NCKAP1: variants seen among roughly 807,000 people sequenced by gnomAD.
NCKAP1 encodes nck-associated protein 1.
In NCKAP1, 21 loss-of-function variants were observed where a neutral mutation model predicts 151.2. That is an observed-to-expected ratio of 0.14 (90% CI 0.10 to 0.20). NCKAP1 has a LOEUF of 0.20. Ranked by LOEUF, NCKAP1 falls within the 10% of genes least tolerant of loss-of-function variation. The probability of loss-of-function intolerance (pLI) is 1.00; values close to 1 mark genes in which losing one functional copy is unlikely to be tolerated. For synonymous variants in NCKAP1, 484 were observed against 451.8 expected (o/e 1.07, Z -0.90); for missense variants, 933 against 1,352.1 (o/e 0.69, Z 4.86).
At chr2:182,988,905 A>C in intron 9 of NCKAP1, 125 bp downstream of exon 9, 1 of 698,028 alleles carries the variant, frequency 1.4e-6, no homozygotes, top group Non-Finnish European at 2.2e-6. Context: ...CTGGGATCCA[A>C]GTCAGATGGT....
intron 9 of NCKAP1, among the ~76,000 whole-genome samples, chr2:182,987,199 A>G (rs909080741): frequency 1.8e-4 from 27 of 152,144 alleles, no homozygotes; most frequent in African/African-American, 6.5e-4. Flanking sequence ...CTGAGATCAC[A>G]CCACTGCACT....
chr2:182,958,554 G>C (rs1451226398), intron 18 of NCKAP1, among the ~76,000 whole-genome samples: 1 of 152,160 alleles, frequency 6.6e-6, no homozygotes, highest in Non-Finnish European at 1.5e-5. Context: ...ATGAAAAAGG[G>C]ATATGAAATA....
At chr2:182,987,098 C>A (rs1365697835) in intron 9 of NCKAP1, among the ~76,000 whole-genome samples, 1 of 151,894 alleles carries the variant, frequency 6.6e-6, no homozygotes, top group African/African-American at 2.4e-5. Context: ...AAAAATTAGT[C>A]GGGCATGGTG....
intron 30 of NCKAP1, among the ~76,000 whole-genome samples, chr2:182,926,087 T>C (rs1393679347): frequency 2.0e-5 from 3 of 152,072 alleles, no homozygotes; most frequent in African/African-American, 7.2e-5. Flanking sequence ...CACTTTCATT[T>C]TCCTCACTGA....
rs770592447 is a variant in NCKAP1, at chr2:183,002,264, T to C, written c.375A>G (p.Val125=). 6.5e-7 allele frequency: 1 copy of C among 1,529,234 alleles called. No individual in the cohort carries two copies. The highest frequency in any genetic ancestry group is 1.8e-5 in the Admixed American group (1 of 54,094). The allele number at this position is 1,529,234 out of a possible 1,614,324, so 94.7% of individuals were successfully genotyped here. Residue 125 remains valine (V), a synonymous_variant, in exon 5 of 31, where the codon GTA becomes GTG. Coordinates refer to ENST00000361354, the MANE Select transcript of NCKAP1 (RefSeq NM_013436.5). ...AGTAGTTCTTTGTTAAATCAAAGTT[T>C]ACAGTCTAGGAGAAAAAAAAATCAA... ...DVCQVFFDIT[V]NFDLTKNYLD...
chr2:183,008,427 T>C lies in NCKAP1; in HGVS notation c.220-5102A>G, dbSNP rs138677223. On this transcript the variant is annotated intron_variant, in intron 2 of 30. Transcript: ENST00000361354. ...TCACCTCACAATTAGAATAAAAAAA[T>C]AATTACCAGTGCCTCAGAATAAAGT... is the stretch of plus-strand genomic sequence containing the variant. Among the ~76,000 whole-genome samples, 107 of 152,302 alleles carry C rather than the reference T, an allele frequency of 7.0e-4. 1 individual carries two copies. The highest frequency in any genetic ancestry group is 2.5e-3 in the African/African-American group (104 of 41,568).
chr2:182,957,290 T>C, intron 19 of NCKAP1, 167 bp downstream of exon 19: 1 of 677,692 alleles, frequency 1.5e-6, no homozygotes, highest in South Asian at 4.3e-5. Context: ...TATTTTGAGA[T>C]GAAATAAGCA....
At chr2:182,997,513 A>G (rs1197320888) in intron 6 of NCKAP1, among the ~76,000 whole-genome samples, 1 of 152,174 alleles carries the variant, frequency 6.6e-6, no homozygotes, top group East Asian at 1.9e-4. Context: ...GTCATTCAGG[A>G]TAAAATTGTT....
In NCKAP1 at chr2:183,038,111, T is replaced by TGCC. The variant is rs376536281; in HGVS notation, c.-15_-13dup. On this transcript the variant is annotated 5_prime_UTR_variant, in exon 1 of 31. Transcript: ENST00000361354. ...ACTGAGCGCGACATGGTGGTGCTGG[T>TGCC]GCCGCCGCCGCCGCCGGCCGCCTCG... 1,897 of 1,539,336 alleles carry TGCC rather than the reference T, an allele frequency of 1.2e-3. 4 individuals are homozygous for TGCC. Among genetic ancestry groups the TGCC allele is most frequent in the African/African-American group, 1.6e-3 (112 of 70,312 alleles).
chr2:182,940,695 T>G (rs1696978251), intron 24 of NCKAP1, among the ~76,000 whole-genome samples: 1 of 152,202 alleles, frequency 6.6e-6, no homozygotes, highest in African/African-American at 2.4e-5. Flanking sequence ...CTGCCTTGGC[T>G]CCCAATGTGC....
intron 23 of NCKAP1, among the ~76,000 whole-genome samples, chr2:182,943,670 A>AT (rs1697042744): frequency 6.6e-6 from 1 of 152,136 alleles, no homozygotes; most frequent in Non-Finnish European, 1.5e-5. Context: ...TACTAACACT[A>AT]TAAGATACAT....
In NCKAP1 at chr2:182,927,309, C is replaced by G. The variant is rs527745887; in HGVS notation, c.3181-404G>C. On this transcript the variant is annotated intron_variant, in intron 29 of 30. Transcript: ENST00000361354. ...CACTGTAAGATTAAGACATTAAACC[C>G]TGAGTGAAGGAATTATTTGCAAATG... 2.0e-5 allele frequency: 3 copies of G among 153,226 alleles called. No homozygotes were observed. In the East Asian group the frequency reaches 5.8e-4, roughly 29 times the overall value. The allele number at this position is 153,226 out of a possible 1,614,324, so 9.5% of individuals were successfully genotyped here. A position where few individuals can be genotyped will look rare whatever the true frequency, so the allele number is the denominator to read the frequency against.
intron 1 of NCKAP1, among the ~76,000 whole-genome samples, chr2:183,027,719 T>G (rs2105897279): frequency 6.6e-6 from 1 of 152,112 alleles, no homozygotes. Flanking sequence ...AACTTTAAGG[T>G]TTCCTACCAT....
At chr2:182,968,369 A>C (rs538747131) in intron 15 of NCKAP1, among the ~76,000 whole-genome samples, 7 of 152,332 alleles carry the variant, frequency 4.6e-5, no homozygotes, top group Non-Finnish European at 7.4e-5. Context: ...ACAGAATTAT[A>C]GATGATGGTC....
At chr2:182,995,917 G>A (rs1171712828) in intron 6 of NCKAP1, 79 bp from the exon 7 acceptor site, 5 of 1,208,210 alleles carry the variant, frequency 4.1e-6, no homozygotes, top group African/African-American at 1.5e-5. Context: ...ATTGCTGTGT[G>A]TTTCTAACTA....
chr2:183,002,101 G>A (rs764882030), intron 5 of NCKAP1, 26 bp downstream of exon 5: 2 of 1,612,238 alleles, frequency 1.2e-6, no homozygotes, highest in Non-Finnish European at 1.7e-6. Context: ...GAGCATTTTA[G>A]AAAGACTTTT....
intron 19 of NCKAP1, chr2:182,957,208 G>T: frequency 3.1e-6 from 1 of 317,648 alleles, no homozygotes; most frequent in Non-Finnish European, 5.6e-6. Context: ...ACATATAATT[G>T]GCCTTCAGTA....
chr2:183,005,334 T>A (rs1698449972), intron 2 of NCKAP1, among the ~76,000 whole-genome samples: 1 of 152,202 alleles, frequency 6.6e-6, no homozygotes, highest in Admixed American at 6.5e-5. Context: ...TTCAGTGTCC[T>A]AGTCTGAACA....
rs1696366584 is a variant in NCKAP1, at chr2:182,910,274, T to C, written c.*15428A>G. On this transcript the variant is annotated 3_prime_UTR_variant, in exon 31 of 31. Transcript: ENST00000361354. The stretch of plus-strand genomic sequence containing the variant: ...CTTGCCACCCCACTCAAGCTACAGT[T>C]TTTGATTGAGTAGGAAAGCCAGCAT... The C allele has an allele frequency of 6.6e-6, 1 of 152,148 alleles. No homozygotes were observed. Among genetic ancestry groups the C allele is most frequent in the Admixed American group, 6.5e-5 (1 of 15,274 alleles). 9.4% of individuals were successfully genotyped at this position (152,148 alleles called of 1,614,324 possible).
Sources: allele counts gnomAD v4.1 joint callset (sites outside exome capture counted in the v4.1 genomes callset), GRCh38; gene constraint gnomAD v4.1.1; transcripts MANE v1.5; gene names NCBI Gene and HGNC (gene_info 2026-07-23, HGNC 2026-07-21).